CNOT6L: variants seen among roughly 807,000 people sequenced by gnomAD.
CNOT6L encodes CCR4-NOT transcription complex subunit 6-like.
CNOT6L carries 7 observed loss-of-function variants against 64.0 expected under a neutral mutation model. That is an observed-to-expected ratio of 0.11 (90% CI 0.06 to 0.21). CNOT6L has a LOEUF of 0.21. Among genes scored for constraint, CNOT6L ranks in the 10% least tolerant of loss-of-function variants. CNOT6L has a pLI of 1.00. For synonymous variants in CNOT6L, 193 were observed against 243.4 expected (o/e 0.79, Z 1.93); for missense variants, 245 against 669.0 (o/e 0.37, Z 6.99).
In CNOT6L at chr4:77,777,580, G is replaced by T. The variant is rs1347280364; in HGVS notation, c.6-1188C>A. Among the ~76,000 whole-genome samples, 3 of 152,150 alleles carry T rather than the reference G, an allele frequency of 2.0e-5. No homozygotes were observed. The East Asian group carries it at 5.8e-4, about 29-fold the overall frequency. ...ATCCAGTTCATATCTAACAAGAATA[G>T]CAAATGACACAATGTCCTGAGCCTA... is the stretch of plus-strand genomic sequence containing the variant. On this transcript the variant is annotated intron_variant, in intron 1 of 11. Transcript: ENST00000504123.
intron 8 of CNOT6L, among the ~76,000 whole-genome samples, chr4:77,733,727 C>G (rs909828059): frequency 6.6e-6 from 1 of 151,978 alleles, no homozygotes. Flanking sequence ...ATTTGCTTTC[C>G]TGTATTCTTC....
chr4:77,720,584 C>G lies in CNOT6L; in HGVS notation c.1515G>C (p.Gly505=). Residue 505 remains glycine, a synonymous_variant, in exon 12 of 12, where the codon GGG becomes GGC. Transcript: ENST00000504123. ...CAACCAGCCATTGAGGATCTAAAGG[C>G]CCCAGGACACCAAGCACGTTCATAT... is the stretch of plus-strand genomic sequence containing the variant. ...KTHMNVLGVL[G]PLDPQWLVEN... 2 of 1,613,284 alleles carry G rather than the reference C, an allele frequency of 1.2e-6. No homozygotes were observed. Among genetic ancestry groups the G allele is most frequent in the Non-Finnish European group, 1.7e-6 (2 of 1,179,426 alleles).
At position 77,718,367 on chromosome 4, in the gene CNOT6L, T is replaced by C. The variant is rs1399736943; in HGVS notation, c.*2064A>G. 6.6e-6 allele frequency: 1 copy of C among 152,590 alleles called. No individual in the cohort carries two copies. The highest frequency in any genetic ancestry group is 1.5e-5 in the Non-Finnish European group (1 of 68,026). 9.5% of individuals were successfully genotyped at this position (152,590 alleles called of 1,614,324 possible). ...AATTAAGTTTTTCATGCTATTCTAC[T>C]TTCCAGTACTATGCTTCAGGTAATC... On this transcript the variant is annotated 3_prime_UTR_variant, in exon 12 of 12. Coordinates refer to ENST00000504123, the MANE Select transcript of CNOT6L (RefSeq NM_144571.3).
chr4:77,779,912 C>T (rs1033731764), intron 1 of CNOT6L, among the ~76,000 whole-genome samples: 5 of 152,080 alleles, frequency 3.3e-5, no homozygotes, highest in Non-Finnish European at 1.5e-5. Flanking sequence ...TGCAGTGAGA[C>T]GAGACTACCC....
At position 77,718,574 on chromosome 4, in the gene CNOT6L, T is replaced by C. The variant is rs568077875; in HGVS notation, c.*1857A>G. 3.9e-5 allele frequency: 6 copies of C among 152,666 alleles called. No individual in the cohort carries two copies. The East Asian group carries it at 7.7e-4, about 20-fold the overall frequency. 9.5% of individuals were successfully genotyped at this position (152,666 alleles called of 1,614,324 possible). On this transcript the variant is annotated 3_prime_UTR_variant, in exon 12 of 12. Transcript: ENST00000504123. ...AACTACAATGACATTCCAATTATAA[T>C]AGATGACAAACAACGCCTCTATCAC...
chr4:77,792,487 A>G (rs1209183995), intron 1 of CNOT6L, among the ~76,000 whole-genome samples: 1 of 152,174 alleles, frequency 6.6e-6, no homozygotes, highest in Non-Finnish European at 1.5e-5. Context: ...GTACTTTGGG[A>G]GGCTGAGGTG....
rs754195745 is a variant in CNOT6L, at chr4:77,760,860, CTTTTTTTTTTTT to C, written c.401-3921_401-3910del. On this transcript the variant is annotated intron_variant, in intron 4 of 11. Coordinates refer to ENST00000504123, the MANE Select transcript of CNOT6L (RefSeq NM_144571.3). ...TACAGGTGCACACCACCATGCCTGG[CTTTTTTTTTTTT>C]TTTTTTTTTTTTTTTTTTTTTTTAA... Among the ~76,000 whole-genome samples, 45 of 29,976 alleles carry C rather than the reference CTTTTTTTTTTTT, an allele frequency of 1.5e-3. 1 individual carries two copies. Among genetic ancestry groups the C allele is most frequent in the East Asian group, 5.0e-3 (6 of 1,190 alleles). 19.7% of individuals were successfully genotyped at this position (29,976 alleles called of 152,430 possible).
At chr4:77,721,969 AAAT>A (rs1457558873) in intron 11 of CNOT6L, among the ~76,000 whole-genome samples, 4 of 151,780 alleles carry the variant, frequency 2.6e-5, no homozygotes, top group Non-Finnish European at 5.9e-5. Context: ...GTCTCTTAAA[AAAT>A]AATAATAAAA....
intron 1 of CNOT6L, among the ~76,000 whole-genome samples, chr4:77,793,985 T>C (rs916435606): frequency 6.6e-6 from 1 of 151,366 alleles, no homozygotes; most frequent in Admixed American, 6.6e-5. Flanking sequence ...ACCCCACCTC[T>C]ACTAAAAATA....
intron 1 of CNOT6L, among the ~76,000 whole-genome samples, chr4:77,814,170 G>C (rs754573604): frequency 3.9e-5 from 6 of 152,056 alleles, no homozygotes; most frequent in Admixed American, 2.6e-4. Flanking sequence ...GTCCAAAATT[G>C]GCCAAATCTA....
At chr4:77,812,464 A>G (rs78255355) in intron 1 of CNOT6L, among the ~76,000 whole-genome samples, 7,189 of 150,582 alleles carry the variant, frequency 0.048, 225 homozygotes, top group African/African-American at 0.079. Context: ...AAAAACTATT[A>G]GAACTAAGAA....
intron 1 of CNOT6L, among the ~76,000 whole-genome samples, chr4:77,809,337 C>T (rs559469447): frequency 1.3e-5 from 2 of 152,196 alleles, no homozygotes; most frequent in South Asian, 2.1e-4. Flanking sequence ...TAGCTCCATT[C>T]CCTGGTAGAA....
At chr4:77,801,372 C>T (rs1162562792) in intron 1 of CNOT6L, among the ~76,000 whole-genome samples, 2 of 152,206 alleles carry the variant, frequency 1.3e-5, no homozygotes, top group African/African-American at 4.8e-5. Context: ...ACGCCAGCTT[C>T]ACAAACTCAT....
intron 1 of CNOT6L, among the ~76,000 whole-genome samples, chr4:77,790,937 G>A (rs936460007): frequency 2.6e-5 from 4 of 151,520 alleles, no homozygotes; most frequent in Non-Finnish European, 4.4e-5. Context: ...TGGGATTACA[G>A]GCATGATGAG....
Position 77,720,248 on chromosome 4 carries a change from T to C in CNOT6L, c.*183A>G, listed in dbSNP as rs1721139947. ...TTTGTAAAGAGAGTAATACTTTGGT[T>C]CCAGCCCTACTGCCAAATGATACCA... On this transcript the variant is annotated 3_prime_UTR_variant, in exon 12 of 12. Transcript: ENST00000504123. The C allele has an allele frequency of 1.7e-6, 1 of 587,672 alleles. No homozygotes were observed. The highest frequency in any genetic ancestry group is 1.9e-5 in the African/African-American group (1 of 53,514). The allele number at this position is 587,672 out of a possible 1,614,324, so 36.4% of individuals were successfully genotyped here. A position where few individuals can be genotyped will look rare whatever the true frequency, so the allele number is the denominator to read the frequency against.
chr4:77,728,703 A>G (rs1423913921), intron 10 of CNOT6L, 151 bp downstream of exon 10: 2 of 650,990 alleles, frequency 3.1e-6, no homozygotes, highest in South Asian at 1.9e-5. Context: ...TAGCTTCTTT[A>G]TTAAACTCTC....
At chr4:77,784,500 ATT>A (rs71214369) in intron 1 of CNOT6L, among the ~76,000 whole-genome samples, 56 of 144,714 alleles carry the variant, frequency 3.9e-4, no homozygotes, top group African/African-American at 1.3e-3. Flanking sequence ...AATATAATCT[ATT>A]TTTTTTTTTT....
At chr4:77,720,885 A>G (rs1313242835) in intron 11 of CNOT6L, among the ~76,000 whole-genome samples, 1 of 152,166 alleles carries the variant, frequency 6.6e-6, no homozygotes, top group Non-Finnish European at 1.5e-5. Flanking sequence ...ATAATTTGAG[A>G]AGCTAAACAC....
chr4:77,785,517 C>A (rs1462605819), intron 1 of CNOT6L, among the ~76,000 whole-genome samples: 2 of 151,190 alleles, frequency 1.3e-5, no homozygotes, highest in South Asian at 4.2e-4. Flanking sequence ...AAACACGTAT[C>A]TGAAAAAAAA....
Sources: gnomAD v4.1 joint callset for allele counts (sites outside exome capture counted in the v4.1 genomes callset) on GRCh38, gnomAD v4.1.1 for gene constraint, MANE v1.5 for transcripts, NCBI Gene and HGNC (gene_info 2026-07-23, HGNC 2026-07-21) for gene names.